Variants in CIBAR1 observed in about 807,000 individuals in gnomAD.
CIBAR1 encodes CBY1-interacting BAR domain-containing protein 1.
In CIBAR1, 25 loss-of-function variants were observed where a neutral mutation model predicts 44.0. The ratio of observed to expected loss-of-function variants is 0.57; its 90% CI spans 0.41 to 0.79. The LOEUF is 0.79. Ranked by LOEUF, CIBAR1 falls within the 30% of genes least tolerant of loss-of-function variation. The pLI, the probability that CIBAR1 is intolerant of heterozygous loss-of-function variation, is 0.00. For missense variants in CIBAR1, 278 were observed against 344.8 expected, an observed-to-expected ratio of 0.81 and a Z score of 1.53; for synonymous variants, 115 against 119.0, an observed-to-expected ratio of 0.97 and a Z score of 0.22.
chr8:93,726,570 G>A, intron 8 of CIBAR1, 57 bp downstream of exon 8: 1 of 1,590,154 alleles, frequency 6.3e-7, no homozygotes, highest in African/African-American at 1.3e-5. Flanking sequence ...GAATTGTTGA[G>A]TTCTAAAAAT....
intron 2 of CIBAR1, chr8:93,702,172 A>G (rs1810388099): frequency 2.5e-6 from 1 of 395,096 alleles, no homozygotes; most frequent in South Asian, 1.9e-5. Flanking sequence ...CAGAACCTAA[A>G]ACGGGAATTT....
chr8:93,702,873 CTT>C (rs921007505), intron 2 of CIBAR1, among the ~76,000 whole-genome samples: 2 of 151,934 alleles, frequency 1.3e-5, no homozygotes, highest in African/African-American at 4.8e-5. Flanking sequence ...CATCACCTAT[CTT>C]GAGAAAAAAA....
chr8:93,707,918 G>C, intron 4 of CIBAR1, 93 bp from the exon 5 acceptor site: 1 of 761,344 alleles, frequency 1.3e-6, no homozygotes, highest in Non-Finnish European at 2.0e-6. Flanking sequence ...TAACCTAATT[G>C]TAAGTGTATA....
chr8:93,728,521 CCTT>C lies in CIBAR1; in HGVS notation c.*225_*227del, dbSNP rs1423642689. 8.3e-6 allele frequency: 3 copies of C among 362,650 alleles called. No homozygotes were observed. The highest frequency in any genetic ancestry group is 1.5e-5 in the Non-Finnish European group (3 of 201,478). 22.5% of individuals were successfully genotyped at this position (362,650 alleles called of 1,614,324 possible). A position where few individuals can be genotyped will look rare whatever the true frequency, so the allele number is the denominator to read the frequency against. On this transcript the variant is annotated 3_prime_UTR_variant, in exon 9 of 9. Transcript: ENST00000518322. ...GTGTTACATGATTTTTGTGTAAGTG[CCTT>C]TTTTTTTAAAGATGGTGTATTTCAA...
intron 6 of CIBAR1, among the ~76,000 whole-genome samples, chr8:93,712,807 C>CTTT (rs34273549): frequency 1.2e-4 from 17 of 137,082 alleles, no homozygotes; most frequent in African/African-American, 3.0e-4. Context: ...CATGATGATG[C>CTTT]TTTTTTTTTT....
At chr8:93,712,122 T>G (rs1317088822) in intron 6 of CIBAR1, among the ~76,000 whole-genome samples, 1 of 152,242 alleles carries the variant, frequency 6.6e-6, no homozygotes, top group African/African-American at 2.4e-5. Flanking sequence ...TATAATTCAC[T>G]GTGCAACTCT....
At chr8:93,726,841 T>A (rs1811533085) in intron 8 of CIBAR1, 4 of 349,188 alleles carry the variant, frequency 1.1e-5, no homozygotes, top group African/African-American at 2.2e-5. Context: ...AATCTCACTA[T>A]CAAAACTTAG....
intron 2 of CIBAR1, chr8:93,702,548 G>A (rs1010050503): frequency 4.4e-6 from 2 of 455,148 alleles, no homozygotes; most frequent in Non-Finnish European, 4.4e-6. Context: ...AAAAAGGTAG[G>A]CAACAAAAAG....
At chr8:93,707,892 G>A (rs1810662705) in intron 4 of CIBAR1, 119 bp from the exon 5 acceptor site, 1 of 564,958 alleles carries the variant, frequency 1.8e-6, no homozygotes, top group Non-Finnish European at 2.9e-6. Flanking sequence ...ATTGATATAT[G>A]GTTACAATTA....
intron 3 of CIBAR1, 85 bp from the exon 4 acceptor site, chr8:93,704,824 C>A: frequency 2.7e-6 from 2 of 749,542 alleles, no homozygotes; most frequent in Non-Finnish European, 4.3e-6. Flanking sequence ...ATTCTTAAAA[C>A]AATTCTTAAA....
intron 6 of CIBAR1, among the ~76,000 whole-genome samples, chr8:93,712,505 T>C (rs544251806): frequency 1.3e-5 from 2 of 152,376 alleles, no homozygotes; most frequent in Non-Finnish European, 1.5e-5. Flanking sequence ...TATAAACATT[T>C]ATGTACAAGT....
At chr8:93,708,145 T>C (rs987296216) in intron 5 of CIBAR1, 129 bp downstream of exon 5, 2 of 541,628 alleles carry the variant, frequency 3.7e-6, no homozygotes, top group African/African-American at 3.9e-5. Context: ...CACAGAACTT[T>C]GACAACAAAT....
At chr8:93,704,089 A>G (rs866838106) in intron 3 of CIBAR1, among the ~76,000 whole-genome samples, 2 of 152,008 alleles carry the variant, frequency 1.3e-5, no homozygotes, top group Middle Eastern at 3.4e-3. Flanking sequence ...AAAGAAATAC[A>G]AAGTAGTATA....
chr8:93,726,671 C>T, intron 8 of CIBAR1, 158 bp downstream of exon 8: 1 of 773,924 alleles, frequency 1.3e-6, no homozygotes, highest in East Asian at 2.8e-5. Flanking sequence ...GCATTAAGTG[C>T]AGCTCTATTA....
intron 8 of CIBAR1, among the ~76,000 whole-genome samples, chr8:93,727,999 C>T (rs1811607287): frequency 1.3e-5 from 2 of 151,892 alleles, no homozygotes; most frequent in Non-Finnish European, 2.9e-5. Flanking sequence ...GCTAATTACA[C>T]ATTTTTATTC....
intron 5 of CIBAR1, among the ~76,000 whole-genome samples, chr8:93,708,257 T>C (rs1810682313): frequency 6.6e-6 from 1 of 152,178 alleles, no homozygotes; most frequent in Admixed American, 6.5e-5. Context: ...AAGAATTTAA[T>C]CCGAAAACTG....
Position 93,718,097 on chromosome 8 carries a change from GTC to G in CIBAR1, c.544-576_544-575del, listed in dbSNP as rs555120723. Among the ~76,000 whole-genome samples the G allele has an allele frequency of 8.3e-3, 1,260 of 152,316 alleles. 8 individuals carry two copies. The highest frequency in any genetic ancestry group is 0.02 in the South Asian group (99 of 4,832). ...TTAGAATCAGATCTGTGTCTAAAGA[GTC>G]TGACCTGTGAGCAACACTGGGCAAG... On this transcript the variant is annotated intron_variant, in intron 6 of 8. Coordinates refer to ENST00000518322, the MANE Select transcript of CIBAR1 (RefSeq NM_145269.5).
At chr8:93,726,034 A>G (rs565845934) in intron 7 of CIBAR1, 38 of 188,152 alleles carry the variant, frequency 2.0e-4, no homozygotes, top group South Asian at 1.7e-3. Context: ...AATTGGTAAG[A>G]GTTGAGAATT....
Position 93,730,568 on chromosome 8 carries a change from T to G in CIBAR1, c.*2271T>G, listed in dbSNP as rs914787567. The G allele has an allele frequency of 1.3e-5, 2 of 152,190 alleles. No individual in the cohort carries two copies. The highest frequency in any genetic ancestry group is 2.9e-5 in the Non-Finnish European group (2 of 68,030). 9.4% of individuals were successfully genotyped at this position (152,190 alleles called of 1,614,324 possible). The stretch of plus-strand genomic sequence containing the variant: ...TGATGTGTACATGAAAATTTACTAT[T>G]CTTTTTTTATATTTGAAATTGATGA... On this transcript the variant is annotated 3_prime_UTR_variant, in exon 9 of 9. Coordinates refer to ENST00000518322, the MANE Select transcript of CIBAR1 (RefSeq NM_145269.5).
Sources: gnomAD v4.1 joint callset for allele counts (sites outside exome capture counted in the v4.1 genomes callset) on GRCh38, gnomAD v4.1.1 for gene constraint, MANE v1.5 for transcripts, NCBI Gene and HGNC (gene_info 2026-07-23, HGNC 2026-07-21) for gene names.